The following GRK5 variants were observed in gnomAD, a reference collection of about 807,000 sequenced individuals.
GRK5 encodes the protein g protein-coupled receptor kinase GRK5.
A neutral mutation model predicts 78.4 loss-of-function variants in GRK5; 40 were observed. The observed-to-expected ratio is 0.51, with a 90% confidence interval of 0.40 to 0.66. GRK5 has a LOEUF of 0.66. Among genes scored for constraint, GRK5 ranks in the 30% least tolerant of loss-of-function variants. GRK5 has a pLI of 0.00. For missense variants in GRK5, 598 were observed against 759.9 expected (o/e 0.79, Z 2.50); for synonymous variants, 289 against 296.8 (o/e 0.97, Z 0.27).
intron 4 of GRK5, among the ~76,000 whole-genome samples, chr10:119,414,476 T>G (rs1852407014): frequency 6.6e-6 from 1 of 152,212 alleles, no homozygotes; most frequent in Non-Finnish European, 1.5e-5. Context: ...CCAGCCCCCA[T>G]GGGCCTCCAG....
At chr10:119,292,278 C>A (rs1019528721) in intron 1 of GRK5, among the ~76,000 whole-genome samples, 1 of 149,898 alleles carries the variant, frequency 6.7e-6, no homozygotes, top group Non-Finnish European at 1.5e-5. Flanking sequence ...CCTCCTTCTC[C>A]TCCTCTTCCT....
rs138237161 is a variant in GRK5, at chr10:119,323,127, G to A, written c.53-3389G>A. On this transcript the variant is annotated intron_variant, in intron 1 of 15. Coordinates refer to ENST00000392870, the MANE Select transcript of GRK5 (RefSeq NM_005308.3). ...CACAGACATGGAGTGTAGGAGAGAG[G>A]TTGCCGGGAGCTAGGAGGAAGGAGG... Among the ~76,000 whole-genome samples, 1,522 of 152,236 alleles carry A rather than the reference G, an allele frequency of 1.0e-2. 24 individuals carry two copies. Among genetic ancestry groups the A allele is most frequent in the African/African-American group, 0.035 (1,439 of 41,534 alleles).
At chr10:119,252,076 G>A (rs530000518) in intron 1 of GRK5, among the ~76,000 whole-genome samples, 160 of 152,348 alleles carry the variant, frequency 1.1e-3, no homozygotes, top group African/African-American at 3.8e-3. Context: ...TCAGACATAT[G>A]TCTTCACTCT....
Position 119,412,155 on chromosome 10 carries a change from A to T in GRK5, c.340-11011A>T, listed in dbSNP as rs1431247449. The stretch of plus-strand genomic sequence containing the variant: ...CGTGAGCCACTGCGCCCGGCCTCAG[A>T]TCCGCTTCTGATTGGAGGCTGTGCC... On this transcript the variant is annotated intron_variant, in intron 4 of 15. Transcript: ENST00000392870. This position sits in a 1 kb window ranked among gnomAD's most constrained non-coding sequence, Gnocchi z 4.3. 6.6e-6 allele frequency among the ~76,000 whole-genome samples: 1 copy of T among 151,944 alleles called. No individual in the cohort carries two copies. Among genetic ancestry groups the T allele is most frequent in the Non-Finnish European group, 1.5e-5 (1 of 67,962 alleles).
In GRK5 at chr10:119,224,393, T is replaced by A. The variant is rs199499383; in HGVS notation, c.52+16424T>A. Among the ~76,000 whole-genome samples, 18 of 16,740 alleles carry A rather than the reference T, an allele frequency of 1.1e-3. No individual in the cohort carries two copies. In the Admixed American group the frequency reaches 0.012, roughly 11 times the overall value. 11.0% of individuals were successfully genotyped at this position (16,740 alleles called of 152,430 possible). On this transcript the variant is annotated intron_variant, in intron 1 of 15. Transcript: ENST00000392870. ...CCACTATTTATTTATTAATTTATTATTTATTTATTTATTTATTTATTTATT... is the reference window on the plus strand; with the variant it reads ...CCACTATTTATTTATTAATTTATTAATTATTTATTTATTTATTTATTTATT...
intron 1 of GRK5, among the ~76,000 whole-genome samples, chr10:119,313,009 C>CGGTGATGGTAGT (rs1554905462): frequency 5.3e-4 from 3 of 5,688 alleles, no homozygotes; most frequent in Non-Finnish European, 1.4e-3. Context: ...GTGGTCGTGA[C>CGGTGATGGTAGT]GGTGATGGTA....
chr10:119,255,887 C>T (rs551822410), intron 1 of GRK5, among the ~76,000 whole-genome samples: 10 of 152,118 alleles, frequency 6.6e-5, no homozygotes, highest in African/African-American at 9.7e-5. Context: ...GGGCTCTGGG[C>T]CCAGGGAACA....
intron 3 of GRK5, among the ~76,000 whole-genome samples, chr10:119,383,961 C>A (rs1035189279): frequency 1.3e-5 from 2 of 152,170 alleles, no homozygotes; most frequent in Non-Finnish European, 2.9e-5. Context: ...AATGTGTATC[C>A]AGGGTTGGGA....
At chr10:119,313,161 A>T (rs1446553894) in intron 1 of GRK5, among the ~76,000 whole-genome samples, 2 of 123,944 alleles carry the variant, frequency 1.6e-5, no homozygotes, top group Non-Finnish European at 3.3e-5. Context: ...GGTGGTGGTA[A>T]TGGTAGTGGT....
intron 1 of GRK5, among the ~76,000 whole-genome samples, chr10:119,310,373 C>T (rs932870775): frequency 6.6e-6 from 1 of 152,160 alleles, no homozygotes; most frequent in African/African-American, 2.4e-5. Context: ...TTTCTCTTCC[C>T]CTTCAACCCA....
intron 1 of GRK5, among the ~76,000 whole-genome samples, chr10:119,269,614 T>C (rs1849554450): frequency 6.6e-6 from 1 of 151,936 alleles, no homozygotes; most frequent in Non-Finnish European, 1.5e-5. Flanking sequence ...GTGGATCACC[T>C]GAGGTCAGGA....
intron 12 of GRK5, among the ~76,000 whole-genome samples, chr10:119,447,562 C>T (rs556275391): frequency 2.0e-5 from 3 of 152,194 alleles, no homozygotes; most frequent in South Asian, 2.1e-4. Flanking sequence ...ACCTCTTCCC[C>T]GTGCAGCTCC....
At chr10:119,327,170 C>T (rs1021970672) in intron 2 of GRK5, among the ~76,000 whole-genome samples, 2 of 152,186 alleles carry the variant, frequency 1.3e-5, no homozygotes, top group African/African-American at 2.4e-5. Context: ...TCCTGAGGAG[C>T]CACTGGGCTC....
chr10:119,413,920 G>A (rs929329376), intron 4 of GRK5, among the ~76,000 whole-genome samples: 8 of 152,160 alleles, frequency 5.3e-5, no homozygotes, highest in Admixed American at 2.0e-4. Flanking sequence ...CAGGCTTCCC[G>A]TAGCTGACGC....
chr10:119,415,152 C>T (rs942585650), intron 4 of GRK5, among the ~76,000 whole-genome samples: 1 of 150,570 alleles, frequency 6.6e-6, no homozygotes, highest in Non-Finnish European at 1.5e-5. Context: ...TGAGAATGAT[C>T]GTAGCAGCCT....
intron 1 of GRK5, among the ~76,000 whole-genome samples, chr10:119,244,306 A>G (rs1326800651): frequency 6.6e-6 from 1 of 152,268 alleles, no homozygotes; most frequent in Non-Finnish European, 1.5e-5. Context: ...TCTAAAGTAA[A>G]TTGTATATTT....
chr10:119,452,488 G>A lies in GRK5; in HGVS notation c.1405-183G>A. 1.6e-6 allele frequency: 1 copy of A among 620,830 alleles called. No homozygotes were observed. 38.5% of individuals were successfully genotyped at this position (620,830 alleles called of 1,614,324 possible). A position where few individuals can be genotyped will look rare whatever the true frequency, so the allele number is the denominator to read the frequency against. ...ACAGGAAGCCCAGCCAAGCCACTGGGGCCGACCCCTCCCCTGGACTCACCT... is the reference window on the plus strand; with the variant it reads ...ACAGGAAGCCCAGCCAAGCCACTGGAGCCGACCCCTCCCCTGGACTCACCT... On this transcript the variant is annotated intron_variant, in intron 13 of 15. Transcript: ENST00000392870. This position sits in a 1 kb window ranked among gnomAD's most constrained non-coding sequence, Gnocchi z 4.4.
chr10:119,337,535 G>A (rs1327569307), intron 2 of GRK5, among the ~76,000 whole-genome samples: 2 of 152,154 alleles, frequency 1.3e-5, no homozygotes, highest in Non-Finnish European at 2.9e-5. Context: ...TTCTGTGGCT[G>A]TAGACTCATC....
chr10:119,387,665 A>C (rs1365556614), intron 3 of GRK5, among the ~76,000 whole-genome samples: 1 of 152,158 alleles, frequency 6.6e-6, no homozygotes, highest in Non-Finnish European at 1.5e-5. Flanking sequence ...AGACTGATGG[A>C]CTTCTCTCTA....
Sources: gnomAD v4.1 joint callset for allele counts (sites outside exome capture counted in the v4.1 genomes callset) on GRCh38, gnomAD v4.1.1 for gene constraint, Gnocchi (gnomAD v3.1) non-coding constraint, MANE v1.5 for transcripts, NCBI Gene and HGNC (gene_info 2026-07-23, HGNC 2026-07-21) for gene names.